Variants in OCRL observed in about 807,000 individuals in gnomAD.
The protein encoded by OCRL is inositol polyphosphate 5-phosphatase OCRL.
OCRL carries 8 observed loss-of-function variants against 78.9 expected under a neutral mutation model. The observed-to-expected ratio is 0.10, with a 90% CI of 0.06 to 0.18. OCRL has a LOEUF of 0.18. Ranked by LOEUF, OCRL falls within the 10% of genes least tolerant of loss-of-function variation. The pLI, the probability that OCRL is intolerant of heterozygous loss-of-function variation, is 1.00. For missense variants in OCRL, 454 were observed against 696.7 expected (o/e 0.65, Z 3.92); for synonymous variants, 240 against 235.4 (o/e 1.02, Z -0.18).
At position 129,587,134 on chromosome X, in the gene OCRL, C is replaced by A; in HGVS notation, c.2256+16C>A. Reference sequence around the variant, plus strand: ...CTGTCACCAGGTAAGTGAGAGTAGACCTTCCCTACAACTTTGGAAGGTGTG... The same window carrying A: ...CTGTCACCAGGTAAGTGAGAGTAGAACTTCCCTACAACTTTGGAAGGTGTG... On this transcript the variant is annotated intron_variant, in intron 20 of 23. Transcript: ENST00000371113. 1 of 1,007,746 alleles carries A rather than the reference C, an allele frequency of 9.9e-7. No individual in the cohort carries two copies. Among genetic ancestry groups the A allele is most frequent in the Non-Finnish European group, 1.4e-6 (1 of 709,666 alleles). 83.0% of individuals were successfully genotyped at this position (1,007,746 alleles called of 1,213,427 possible).
intron 22 of OCRL, chrX:129,589,258 C>T: frequency 2.6e-6 from 1 of 386,983 alleles, no homozygotes. Context: ...GGGTGGATCC[C>T]TCTACTCTGG....
At chrX:129,565,613 A>C (rs1936207066) in intron 12 of OCRL, among the ~76,000 whole-genome samples, 159 bp from the exon 13 acceptor site, 2 of 112,149 alleles carry the variant, frequency 1.8e-5, no homozygotes, top group Admixed American at 9.4e-5. Context: ...AGGTGTTGAT[A>C]GTAGTTGCCC....
intron 15 of OCRL, among the ~76,000 whole-genome samples, chrX:129,574,893 C>G (rs766443428): frequency 3.1e-4 from 35 of 112,158 alleles, no homozygotes; most frequent in Non-Finnish European, 6.2e-4. Flanking sequence ...CTTTAGTGAC[C>G]TTAAAAATTG....
Position 129,584,333 on chromosome X carries a change from T to A in OCRL, c.2116-11T>A, listed in dbSNP as rs2124426123. On this transcript the variant is annotated splice_polypyrimidine_tract_variant and intron_variant, in intron 18 of 23. Transcript: ENST00000371113. ...TCTGTCAATGACTTTCTTTTCCTGC[T>A]CCGCTCTCAGGAAGAAGACAGCTTC... The A allele has an allele frequency of 5.0e-6, 6 of 1,206,043 alleles. No homozygotes were observed. Among genetic ancestry groups the A allele is most frequent in the Non-Finnish European group, 6.7e-6 (6 of 890,315 alleles).
intron 5 of OCRL, 81 bp downstream of exon 5, chrX:129,557,516 C>T (rs1181627250): frequency 2.2e-6 from 2 of 890,689 alleles, no homozygotes; most frequent in Admixed American, 5.0e-5. Flanking sequence ...GGAAAGTGGC[C>T]ATTGGCAAAA....
intron 4 of OCRL, chrX:129,553,312 G>C (rs1235072205): frequency 8.9e-6 from 1 of 112,151 alleles, no homozygotes; most frequent in African/African-American, 3.2e-5. Context: ...ATAAGTAGTG[G>C]GTGTGGAAGT....
At chrX:129,584,515 T>C in intron 19 of OCRL, 148 bp downstream of exon 19, 1 of 534,602 alleles carries the variant, frequency 1.9e-6, no homozygotes, top group East Asian at 3.5e-5. Context: ...TGTCCTTAAG[T>C]GTGTTTGAAG....
chrX:129,554,702 C>T (rs1159147263), intron 4 of OCRL, among the ~76,000 whole-genome samples: 1 of 111,459 alleles, frequency 9.0e-6, no homozygotes, highest in Non-Finnish European at 1.9e-5. Context: ...GCCTGTAATC[C>T]CAGCACTTTG....
chrX:129,579,033 A>G (rs1936408194), intron 18 of OCRL, among the ~76,000 whole-genome samples: 2 of 111,486 alleles, frequency 1.8e-5, no homozygotes, highest in East Asian at 2.8e-4. Context: ...TCAGATTTCA[A>G]TCTTTTTCAG....
Position 129,550,449 on chromosome X carries a change from T to C in OCRL, c.238+1848T>C, listed in dbSNP as rs561332034. Among the ~76,000 whole-genome samples the C allele has an allele frequency of 5.5e-4, 62 of 112,390 alleles. 1 individual carries two copies. In the South Asian group the frequency reaches 0.022, roughly 40 times the overall value. ...TGCCAAATTTTATTAAATTAACTTC[T>C]TTATAAAATTAAGTCATTGTCAAGG... On this transcript the variant is annotated intron_variant, in intron 4 of 23. Transcript: ENST00000371113.
chrX:129,547,549 AG>A lies in OCRL; in HGVS notation c.200-1013del, dbSNP rs1387017526. On this transcript the variant is annotated intron_variant, in intron 3 of 23. Transcript: ENST00000371113. The stretch of plus-strand genomic sequence containing the variant: ...CAAAAAAAAAAAAAAAAAAAGAAAA[AG>A]AAAACCATCTGTAAACACTCAGGTT... Among the ~76,000 whole-genome samples, 23 of 109,857 alleles carry A rather than the reference AG, an allele frequency of 2.1e-4. No homozygotes were observed. The East Asian group carries it at 5.4e-3, about 26-fold the overall frequency.
chrX:129,585,461 A>G (rs1936498807), intron 19 of OCRL, among the ~76,000 whole-genome samples: 1 of 112,251 alleles, frequency 8.9e-6, no homozygotes, highest in African/African-American at 3.2e-5. Context: ...CATAATTTCT[A>G]TATGGCAAGT....
At chrX:129,570,870 C>T (rs1270497795) in intron 15 of OCRL, among the ~76,000 whole-genome samples, 1 of 112,361 alleles carries the variant, frequency 8.9e-6, no homozygotes, top group Non-Finnish European at 1.9e-5. Context: ...GGATGTGAAA[C>T]CCACGTATAA....
chrX:129,574,722 C>G (rs1936346203), intron 15 of OCRL, among the ~76,000 whole-genome samples: 1 of 112,294 alleles, frequency 8.9e-6, no homozygotes, highest in South Asian at 3.7e-4. Flanking sequence ...TTTTCCACTA[C>G]CAAATAACTT....
chrX:129,572,105 A>G (rs1009351500), intron 15 of OCRL, among the ~76,000 whole-genome samples: 2 of 112,554 alleles, frequency 1.8e-5, no homozygotes, highest in Non-Finnish European at 3.7e-5. Context: ...ATTTAAATTC[A>G]AATTCCCTAT....
rs1476773306 is a variant in OCRL at position 129,590,624 on chromosome X, C to T, written c.*354C>T. 4.1e-6 allele frequency: 1 copy of T among 241,610 alleles called. No homozygotes were observed. Among genetic ancestry groups the T allele is most frequent in the Non-Finnish European group, 7.5e-6 (1 of 132,620 alleles). 19.9% of individuals were successfully genotyped at this position (241,610 alleles called of 1,213,427 possible). On this transcript the variant is annotated 3_prime_UTR_variant, in exon 24 of 24. Coordinates refer to ENST00000371113, the MANE Select transcript of OCRL (RefSeq NM_000276.4). ...CTAGGCCTAGATTCTGAGATCTTCC[C>T]ATTCTAGGCCTACAAGCACTACTTG...
At chrX:129,548,230 A>G (rs1054984574) in intron 3 of OCRL, among the ~76,000 whole-genome samples, 4 of 112,123 alleles carry the variant, frequency 3.6e-5, no homozygotes, top group African/African-American at 1.3e-4. Context: ...ATTATGTTAC[A>G]GTTAAGGGGA....
At position 129,540,290 on chromosome X, in the gene OCRL, C is replaced by A. The variant is rs1450419945; in HGVS notation, c.-150C>A. 1.6e-6 allele frequency: 1 copy of A among 622,511 alleles called. No individual in the cohort carries two copies. The highest frequency in any genetic ancestry group is 2.5e-6 in the Non-Finnish European group (1 of 395,925). The allele number at this position is 622,511 out of a possible 1,213,427, so 51.3% of individuals were successfully genotyped here. A position where few individuals can be genotyped will look rare whatever the true frequency, so the allele number is the denominator to read the frequency against. On this transcript the variant is annotated 5_prime_UTR_variant, in exon 1 of 24. Transcript: ENST00000371113. ...TGGGTCAGATTCTCAGCTCCCAGCT[C>A]CCCGCTCCCGGCTCCCGGCGCCCGG...
At chrX:129,577,586 G>A (rs1936385776) in intron 18 of OCRL, among the ~76,000 whole-genome samples, 1 of 111,730 alleles carries the variant, frequency 9.0e-6, no homozygotes, top group South Asian at 3.8e-4. Flanking sequence ...CTAGCAGGGA[G>A]GTCTAGACCA....
Sources: gnomAD v4.1 joint callset for allele counts (sites outside exome capture counted in the v4.1 genomes callset) on GRCh38, gnomAD v4.1.1 for gene constraint, MANE v1.5 for transcripts, NCBI Gene and HGNC (gene_info 2026-07-23, HGNC 2026-07-21) for gene names.